Variants in PVT1 observed in about 807,000 individuals in gnomAD.
PVT1 encodes Pvt1 oncogene, also known as CXCR4/PVT1 fusion.
At chr8:127,814,130 T>G (rs1586390541) in intron 2 of PVT1, among the ~76,000 whole-genome samples, 1 of 152,180 alleles carries the variant, frequency 6.6e-6, no homozygotes, top group East Asian at 1.9e-4. Flanking sequence ...AAATCTAGAG[T>G]TTTCCTTTAT....
intron 3 of PVT1, among the ~76,000 whole-genome samples, chr8:127,986,255 C>G (rs1754945518): frequency 1.3e-5 from 2 of 152,170 alleles, no homozygotes. Context: ...TAACACAGAG[C>G]ACACCTCTGC....
intron 2 of PVT1, among the ~76,000 whole-genome samples, chr8:127,858,876 T>A (rs1815190551): frequency 7.1e-6 from 1 of 141,130 alleles, no homozygotes; most frequent in Non-Finnish European, 1.5e-5. Context: ...GGTGCTATCA[T>A]AGCTCATTGT....
chr8:127,941,000 A>C (rs1816343020), intron 3 of PVT1, among the ~76,000 whole-genome samples: 1 of 152,094 alleles, frequency 6.6e-6, no homozygotes, highest in Non-Finnish European at 1.5e-5. Flanking sequence ...TGCAGGGGAG[A>C]GTCTGTTCCT....
At chr8:128,054,677 A>T (rs991556451) in intron 4 of PVT1, among the ~76,000 whole-genome samples, 2 of 151,494 alleles carry the variant, frequency 1.3e-5, no homozygotes, top group Non-Finnish European at 2.9e-5. Flanking sequence ...GTTTAATCTG[A>T]CAGATTCTGA....
At chr8:127,889,037 T>TCCC (rs1815563282) in intron 2 of PVT1, among the ~76,000 whole-genome samples, 25 of 28,870 alleles carry the variant, frequency 8.7e-4, no homozygotes, top group East Asian at 7.5e-3. Context: ...TCTCTCTTTC[T>TCCC]TTCTTCCTTC....
intron 3 of PVT1, among the ~76,000 whole-genome samples, chr8:127,938,208 G>A (rs372163602): frequency 8.5e-5 from 13 of 152,308 alleles, no homozygotes; most frequent in East Asian, 3.9e-4. Flanking sequence ...TTTTATCAGC[G>A]GGGGCCACAA....
chr8:127,952,796 G>A (rs1024916348), intron 3 of PVT1, among the ~76,000 whole-genome samples: 6 of 149,388 alleles, frequency 4.0e-5, no homozygotes, highest in Non-Finnish European at 8.9e-5. Flanking sequence ...ACGGAGTCTC[G>A]CTCTGTGGCC....
At chr8:127,839,597 A>G (rs1232460420) in intron 2 of PVT1, among the ~76,000 whole-genome samples, 2 of 151,162 alleles carry the variant, frequency 1.3e-5, no homozygotes, top group African/African-American at 4.8e-5. Context: ...AAAAAAAATA[A>G]ATAAAATAAT....
chr8:127,945,332 C>T (rs1816407497), intron 3 of PVT1, among the ~76,000 whole-genome samples: 1 of 152,180 alleles, frequency 6.6e-6, no homozygotes, highest in Non-Finnish European at 1.5e-5. Context: ...GGCTAAGGAA[C>T]ATTTTCTGTT....
chr8:127,955,740 A>G (rs1172551413), intron 3 of PVT1, among the ~76,000 whole-genome samples: 1 of 150,982 alleles, frequency 6.6e-6, no homozygotes, highest in Non-Finnish European at 1.5e-5. Context: ...GTTCCACCAT[A>G]CCCTGCTAAT....
chr8:127,862,314 A>G (rs568212096), intron 2 of PVT1, among the ~76,000 whole-genome samples: 17 of 152,200 alleles, frequency 1.1e-4, no homozygotes, highest in African/African-American at 3.1e-4. Flanking sequence ...AGGCTGAGAC[A>G]GGAGAATTGC....
intron 4 of PVT1, among the ~76,000 whole-genome samples, chr8:127,990,639 A>G (rs1399338058): frequency 6.6e-6 from 1 of 152,248 alleles, no homozygotes; most frequent in African/African-American, 2.4e-5. Context: ...CAGAACTGAG[A>G]GCATAGCAGA....
chr8:127,825,543 A>G (rs7817534), intron 2 of PVT1, among the ~76,000 whole-genome samples: 17,944 of 152,176 alleles, frequency 0.12, 3,206 homozygotes, highest in African/African-American at 0.39. Flanking sequence ...TTGAAGGGGC[A>G]CAGCTTTGAA....
chr8:127,952,475 C>A (rs1352862544), intron 3 of PVT1, among the ~76,000 whole-genome samples: 1 of 152,256 alleles, frequency 6.6e-6, no homozygotes, highest in Non-Finnish European at 1.5e-5. Context: ...TGCAAAGCCC[C>A]TTCCCTGTTT....
chr8:127,814,319 C>G lies in PVT1; in HGVS notation n.372+18248C>G, dbSNP rs540624471. 2.0e-5 allele frequency among the ~76,000 whole-genome samples: 3 copies of G among 152,326 alleles called. No homozygotes were observed. In the East Asian group the frequency reaches 5.8e-4, roughly 29 times the overall value. ...TCTGGGTCTCTCCAGAATCCAGGAGCCTGCCTGACGCGTCAGCCGGGGAGG... is the reference window on the plus strand; with the variant it reads ...TCTGGGTCTCTCCAGAATCCAGGAGGCTGCCTGACGCGTCAGCCGGGGAGG... On this transcript the variant is annotated intron_variant and non_coding_transcript_variant, in intron 2 of 10. Transcript: ENST00000651587.
At chr8:128,072,681 G>C (rs989184476) in intron 5 of PVT1, among the ~76,000 whole-genome samples, 2 of 152,086 alleles carry the variant, frequency 1.3e-5, no homozygotes, top group Non-Finnish European at 2.9e-5. Flanking sequence ...AAATGGACTG[G>C]AGGCAGGCAC....
At chr8:127,907,481 G>A (rs1479688197) in intron 3 of PVT1, among the ~76,000 whole-genome samples, 4 of 152,216 alleles carry the variant, frequency 2.6e-5, no homozygotes, top group East Asian at 1.9e-4. Flanking sequence ...CAGGGTCTCC[G>A]GAAGTCATCA....
At chr8:127,929,425 C>T (rs1816173625) in intron 3 of PVT1, among the ~76,000 whole-genome samples, 1 of 152,118 alleles carries the variant, frequency 6.6e-6, no homozygotes, top group Middle Eastern at 3.4e-3. Flanking sequence ...AGGAAATCTT[C>T]CTCCCAACTC....
intron 3 of PVT1, among the ~76,000 whole-genome samples, chr8:127,909,045 A>G (rs1453725922): frequency 6.6e-6 from 1 of 151,746 alleles, no homozygotes; most frequent in Non-Finnish European, 1.5e-5. Flanking sequence ...ATTTAGGTCC[A>G]TGTCTCTCGT....
Sources: gnomAD v4.1 joint callset for allele counts (sites outside exome capture counted in the v4.1 genomes callset) on GRCh38, gnomAD v4.1.1 for gene constraint, MANE v1.5 for transcripts, NCBI Gene and HGNC (gene_info 2026-07-23, HGNC 2026-07-21) for gene names.